PTPN21: variants seen among roughly 807,000 people sequenced by gnomAD.
PTPN21 encodes the protein tyrosine-protein phosphatase non-receptor type 21.
PTPN21 carries 77 observed loss-of-function variants against 131.8 expected under a neutral mutation model. The observed-to-expected ratio is 0.58, with a 90% CI of 0.49 to 0.71. The LOEUF (loss-of-function observed/expected upper bound fraction) is 0.71. Among genes scored for constraint, PTPN21 ranks in the 30% least tolerant of loss-of-function variants. The pLI, the probability that PTPN21 is intolerant of heterozygous loss-of-function variation, is 0.00. For synonymous variants in PTPN21, 715 were observed against 621.3 expected, an observed-to-expected ratio of 1.15 and a Z score of -2.24; for missense variants, 1,552 against 1,527.1, an observed-to-expected ratio of 1.02 and a Z score of -0.27.
intron 8 of PTPN21, among the ~76,000 whole-genome samples, chr14:88,499,672 A>G (rs977007712): frequency 1.4e-4 from 22 of 152,226 alleles, no homozygotes; most frequent in African/African-American, 4.6e-4. Context: ...AATGCTCAGC[A>G]TAGTTTATCT....
intron 2 of PTPN21, among the ~76,000 whole-genome samples, chr14:88,535,941 G>C (rs1396167136): frequency 6.6e-6 from 1 of 152,148 alleles, no homozygotes; most frequent in Non-Finnish European, 1.5e-5. Context: ...TTTTCCAGCA[G>C]ACAGCCTTTA....
At chr14:88,507,786 A>G in intron 4 of PTPN21, 137 bp downstream of exon 4, 2 of 440,224 alleles carry the variant, frequency 4.5e-6, no homozygotes, top group East Asian at 3.6e-5. Context: ...GAAGCCCCTT[A>G]GATAACAGAA....
intron 3 of PTPN21, among the ~76,000 whole-genome samples, chr14:88,510,736 C>T (rs755098024): frequency 2.6e-5 from 4 of 151,996 alleles, no homozygotes; most frequent in Non-Finnish European, 4.4e-5. Context: ...GATAATAGCA[C>T]CTACATCACA....
Position 88,550,458 on chromosome 14 carries a change from G to GCTA in PTPN21, c.-44_-42dup. ...AGAATGGAGGAGCAAAGAGGGAAAA[G>GCTA]CTACCCCCACCAACCCAGCGCTGGT... On this transcript the variant is annotated 5_prime_UTR_variant, in exon 2 of 19. Transcript: ENST00000556564. 6.3e-7 allele frequency: 1 copy of GCTA among 1,584,156 alleles called. No individual in the cohort carries two copies. Among genetic ancestry groups the GCTA allele is most frequent in the Non-Finnish European group, 8.6e-7 (1 of 1,158,446 alleles).
chr14:88,500,715 G>GT, intron 8 of PTPN21, 68 bp downstream of exon 8: 1 of 1,073,200 alleles, frequency 9.3e-7, no homozygotes, highest in Non-Finnish European at 1.5e-6. Flanking sequence ...TTTAACTGCT[G>GT]TAAGTACTAA....
chr14:88,513,401 G>A (rs1483163981), intron 3 of PTPN21: 2 of 152,298 alleles, frequency 1.3e-5, no homozygotes, highest in African/African-American at 2.4e-5. Context: ...CTGACCTCAA[G>A]TGATCCACCC....
At chr14:88,520,145 G>A (rs1271647987) in intron 2 of PTPN21, among the ~76,000 whole-genome samples, 2 of 152,174 alleles carry the variant, frequency 1.3e-5, no homozygotes, top group Admixed American at 1.3e-4. Flanking sequence ...GCTGGGTGTG[G>A]TGGCACACAC....
At chr14:88,487,962 T>C (rs1373456381) in intron 10 of PTPN21, among the ~76,000 whole-genome samples, 4 of 72,098 alleles carry the variant, frequency 5.5e-5, no homozygotes, top group Non-Finnish European at 1.2e-4. Flanking sequence ...TGAGACTCCA[T>C]CTCAAAAAAA....
At position 88,470,053 on chromosome 14, in the gene PTPN21, G is replaced by C; in HGVS notation, c.2872-3C>G. On this transcript the variant is annotated splice_region_variant and splice_polypyrimidine_tract_variant and intron_variant, in intron 15 of 18. Coordinates refer to ENST00000556564, the MANE Select transcript of PTPN21 (RefSeq NM_007039.4). Reference sequence around the variant, plus strand: ...CATTCGATTCCACTGACAGAGACCTGGGATTAGAAAAGGTTAAAAAAATTG... The same window carrying C: ...CATTCGATTCCACTGACAGAGACCTCGGATTAGAAAAGGTTAAAAAAATTG... The C allele has an allele frequency of 1.2e-6, 2 of 1,612,034 alleles. No homozygotes were observed. The highest frequency in any genetic ancestry group is 1.7e-6 in the Non-Finnish European group (2 of 1,178,238).
At position 88,480,018 on chromosome 14, in the gene PTPN21, C is replaced by A. The variant is rs1479148540; in HGVS notation, c.1413G>T (p.Ser471=). 1.2e-6 allele frequency: 2 copies of A among 1,613,386 alleles called. No homozygotes were observed. Among genetic ancestry groups the A allele is most frequent in the East Asian group, 2.2e-5 (1 of 44,880 alleles). The change falls in exon 13 of 19, where the codon TCG becomes TCT. Residue 471 remains serine (S), a synonymous_variant. Transcript: ENST00000556564. Reference sequence around the variant, plus strand: ...AGCTGCCGATGTTGAGGTTTCGCAGCGAGTGGCTCTGCCGTTCCGCATGCA... The same window carrying A: ...AGCTGCCGATGTTGAGGTTTCGCAGAGAGTGGCTCTGCCGTTCCGCATGCA... ...GLVHAERQSH[S]LRNLNIGSSY... is the part of the protein sequence containing the mutation.
At chr14:88,531,987 A>C (rs1196104706) in intron 2 of PTPN21, among the ~76,000 whole-genome samples, 2 of 152,212 alleles carry the variant, frequency 1.3e-5, no homozygotes, top group African/African-American at 2.4e-5. Flanking sequence ...TTGCGTGCAT[A>C]AACTAGAAAA....
chr14:88,500,969 C>A, intron 7 of PTPN21, 98 bp from the exon 8 acceptor site: 1 of 835,446 alleles, frequency 1.2e-6, no homozygotes, highest in Non-Finnish European at 2.0e-6. Context: ...TAGAAAGTTC[C>A]GAAGACCTAC....
At chr14:88,477,667 T>TG (rs1318755311) in intron 13 of PTPN21, among the ~76,000 whole-genome samples, 1 of 151,912 alleles carries the variant, frequency 6.6e-6, no homozygotes, top group Non-Finnish European at 1.5e-5. Flanking sequence ...TTAGCAGCGA[T>TG]GGGGGGAGGA....
At chr14:88,530,864 G>A (rs201612679) in intron 2 of PTPN21, among the ~76,000 whole-genome samples, 1 of 152,112 alleles carries the variant, frequency 6.6e-6, no homozygotes, top group African/African-American at 2.4e-5. Flanking sequence ...TCCACTGACA[G>A]CACTAGACAG....
chr14:88,485,901 A>T (rs965163979), intron 10 of PTPN21, 59 bp from the exon 11 acceptor site: 1 of 1,036,360 alleles, frequency 9.6e-7, no homozygotes, highest in Non-Finnish European at 1.5e-6. Flanking sequence ...AATTCTACCA[A>T]AACAAGATAT....
chr14:88,539,633 T>A (rs550274445), intron 2 of PTPN21, among the ~76,000 whole-genome samples: 33 of 152,248 alleles, frequency 2.2e-4, no homozygotes, highest in African/African-American at 7.9e-4. Flanking sequence ...AATGGCTCCA[T>A]GGAAAAGCAG....
At chr14:88,529,280 C>G (rs1259334587) in intron 2 of PTPN21, among the ~76,000 whole-genome samples, 1 of 152,090 alleles carries the variant, frequency 6.6e-6, no homozygotes, top group Non-Finnish European at 1.5e-5. Flanking sequence ...CATTTATTGA[C>G]TTGATATTAA....
chr14:88,505,834 T>C (rs779200694), intron 4 of PTPN21, among the ~76,000 whole-genome samples: 5 of 152,236 alleles, frequency 3.3e-5, no homozygotes, highest in Non-Finnish European at 7.3e-5. Flanking sequence ...AAAATGCTTA[T>C]GAAAAAGTAA....
chr14:88,539,819 A>G (rs1249072809), intron 2 of PTPN21, among the ~76,000 whole-genome samples: 1 of 152,212 alleles, frequency 6.6e-6, no homozygotes, highest in Non-Finnish European at 1.5e-5. Context: ...TTTTAGACAT[A>G]TTCACTATTA....
Sources: allele counts gnomAD v4.1 joint callset (sites outside exome capture counted in the v4.1 genomes callset), GRCh38; gene constraint gnomAD v4.1.1; transcripts MANE v1.5; gene names NCBI Gene and HGNC (gene_info 2026-07-23, HGNC 2026-07-21).